DAB1: variants seen among roughly 807,000 people sequenced by gnomAD.
DAB1 encodes the protein DAB adaptor protein 1.
A neutral mutation model predicts 64.6 loss-of-function variants in DAB1; 15 were observed. That is an observed-to-expected ratio of 0.23 (90% CI 0.16 to 0.36). DAB1 has a LOEUF of 0.36. Ranked by LOEUF, DAB1 falls within the 10% of genes least tolerant of loss-of-function variation. The pLI, the probability that DAB1 is intolerant of heterozygous loss-of-function variation, is 1.00. For synonymous variants in DAB1, 235 were observed against 251.9 expected, an observed-to-expected ratio of 0.93 and a Z score of 0.64; for missense variants, 596 against 706.7, an observed-to-expected ratio of 0.84 and a Z score of 1.78.
At chr1:57,341,458 C>T (rs545107561) in intron 1 of DAB1, among the ~76,000 whole-genome samples, 15 of 152,166 alleles carry the variant, frequency 9.9e-5, no homozygotes, top group Non-Finnish European at 1.9e-4. Flanking sequence ...TAAAATGATT[C>T]ATTAGACAGG....
At chr1:57,556,214 T>C (rs1220052988) in intron 7 of DAB1, among the ~76,000 whole-genome samples, 2 of 152,212 alleles carry the variant, frequency 1.3e-5, no homozygotes, top group African/African-American at 2.4e-5. Context: ...GATTTTTCAA[T>C]TGTGAATTGT....
At chr1:57,953,221 T>C (rs530284772) in intron 5 of DAB1, among the ~76,000 whole-genome samples, 1 of 152,352 alleles carries the variant, frequency 6.6e-6, no homozygotes, top group African/African-American at 2.4e-5. Flanking sequence ...GCTTGACTTT[T>C]CTATTTACAA....
chr1:57,743,590 C>A (rs1360292786), intron 6 of DAB1, among the ~76,000 whole-genome samples: 1 of 152,190 alleles, frequency 6.6e-6, no homozygotes, highest in East Asian at 1.9e-4. Flanking sequence ...CATCCAGGGG[C>A]CAGCCCTGGG....
At chr1:57,949,152 C>T (rs1256770196) in intron 5 of DAB1, among the ~76,000 whole-genome samples, 2 of 151,148 alleles carry the variant, frequency 1.3e-5, no homozygotes, top group African/African-American at 2.4e-5. Context: ...TTATGCAAGA[C>T]AATATTTCCA....
chr1:57,242,131 G>T (rs1234514791), intron 2 of DAB1, among the ~76,000 whole-genome samples: 1 of 152,074 alleles, frequency 6.6e-6, no homozygotes, highest in Non-Finnish European at 1.5e-5. Context: ...ATGGTTATAG[G>T]TTTATGGCTG....
chr1:57,568,490 A>G (rs548966749), intron 7 of DAB1, among the ~76,000 whole-genome samples: 126 of 152,324 alleles, frequency 8.3e-4, no homozygotes, highest in African/African-American at 2.9e-3. Flanking sequence ...TGAACAGGCA[A>G]CCTACAGAAC....
intron 4 of DAB1, among the ~76,000 whole-genome samples, chr1:58,200,062 C>G (rs1339906411): frequency 1.3e-5 from 2 of 152,122 alleles, no homozygotes; most frequent in Admixed American, 6.5e-5. Flanking sequence ...CACAGAGACA[C>G]AGAGACTTAG....
At chr1:57,967,751 A>T (rs1645702694) in intron 5 of DAB1, among the ~76,000 whole-genome samples, 1 of 151,128 alleles carries the variant, frequency 6.6e-6, no homozygotes, top group African/African-American at 2.4e-5. Flanking sequence ...TAAATAAATT[A>T]ACATATTCAA....
chr1:57,703,152 C>T (rs569771030), intron 6 of DAB1, among the ~76,000 whole-genome samples: 36 of 152,096 alleles, frequency 2.4e-4, no homozygotes, highest in African/African-American at 7.0e-4. Flanking sequence ...GATGAAGCCA[C>T]CAAAAGCAGT....
chr1:58,512,816 G>C (rs1001443220), intron 2 of DAB1, among the ~76,000 whole-genome samples: 1 of 152,140 alleles, frequency 6.6e-6, no homozygotes, highest in African/African-American at 2.4e-5. Flanking sequence ...ATAAGATCTA[G>C]AGATCTGATA....
intron 7 of DAB1, among the ~76,000 whole-genome samples, chr1:57,446,318 C>A (rs1328459562): frequency 2.6e-5 from 4 of 152,074 alleles, no homozygotes; most frequent in Non-Finnish European, 2.9e-5. Context: ...AAATTTTAGG[C>A]CAGGCGTGGT....
chr1:57,763,730 G>C (rs1487964884), intron 6 of DAB1, among the ~76,000 whole-genome samples: 1 of 152,120 alleles, frequency 6.6e-6, no homozygotes, highest in Non-Finnish European at 1.5e-5. Flanking sequence ...TGATTCTCCT[G>C]ATCACAGGGT....
At chr1:57,402,607 C>A (rs549347863) in intron 1 of DAB1, among the ~76,000 whole-genome samples, 1 of 152,138 alleles carries the variant, frequency 6.6e-6, no homozygotes, top group Non-Finnish European at 1.5e-5. Context: ...GATTCAGATT[C>A]TTCTAAGAAG....
At chr1:58,050,402 T>C (rs1647562832) in intron 5 of DAB1, among the ~76,000 whole-genome samples, 1 of 152,070 alleles carries the variant, frequency 6.6e-6, no homozygotes, top group African/African-American at 2.4e-5. Flanking sequence ...ACAGCAGAAA[T>C]AAAGGTGAAA....
intron 1 of DAB1, chr1:57,306,728 A>G (rs1002118521): frequency 2.0e-5 from 3 of 152,090 alleles, no homozygotes; most frequent in Admixed American, 6.6e-5. Flanking sequence ...TCATTTACTT[A>G]AGCATATCTA....
chr1:57,783,949 A>C (rs1650225125), intron 6 of DAB1, among the ~76,000 whole-genome samples: 1 of 152,210 alleles, frequency 6.6e-6, no homozygotes, highest in African/African-American at 2.4e-5. Context: ...AACAATACTG[A>C]AATTAGGCCA....
intron 1 of DAB1, among the ~76,000 whole-genome samples, chr1:57,417,449 A>G (rs1684576934): frequency 1.3e-5 from 2 of 152,166 alleles, no homozygotes; most frequent in African/African-American, 4.8e-5. Flanking sequence ...CTACTCTTAA[A>G]AGGCTTAAGT....
intron 9 of DAB1, among the ~76,000 whole-genome samples, chr1:57,053,510 T>C (rs1649401057): frequency 6.6e-6 from 1 of 151,042 alleles, no homozygotes; most frequent in South Asian, 2.1e-4. Context: ...CACCTCCACC[T>C]CCCAAAACAC....
intron 5 of DAB1, among the ~76,000 whole-genome samples, chr1:57,968,704 A>C (rs1645727520): frequency 6.6e-6 from 1 of 152,178 alleles, no homozygotes; most frequent in Non-Finnish European, 1.5e-5. Context: ...ATGGGTTAGA[A>C]CATAGCTACT....
Sources: allele counts gnomAD v4.1 joint callset (sites outside exome capture counted in the v4.1 genomes callset), GRCh38; gene constraint gnomAD v4.1.1; transcripts MANE v1.5; gene names NCBI Gene and HGNC (gene_info 2026-07-23, HGNC 2026-07-21).